Variants in KCNMA1 observed in about 807,000 individuals in gnomAD.
The protein encoded by KCNMA1 is Calcium-activated potassium channel subunit alpha-1.
A neutral mutation model predicts 140.0 loss-of-function variants in KCNMA1; 29 were observed. The ratio of observed to expected loss-of-function variants is 0.21; its 90% CI spans 0.15 to 0.28. The LOEUF (loss-of-function observed/expected upper bound fraction) is 0.28, where lower values mean the gene tolerates loss of function less well. KCNMA1 is among the 10% of genes least tolerant of loss of function. The pLI is 1.00. For synonymous variants in KCNMA1, 612 were observed against 611.9 expected, an observed-to-expected ratio of 1.00 and a Z score of 0.00; for missense variants, 880 against 1,602.2, an observed-to-expected ratio of 0.55 and a Z score of 7.70.
intron 20 of KCNMA1, 53 bp from the exon 21 acceptor site, chr10:76,953,977 T>C (rs1369764786): frequency 1.9e-6 from 3 of 1,591,612 alleles, no homozygotes; most frequent in Non-Finnish European, 2.6e-6. Context: ...AAATTATAAA[T>C]GGAAAGTGCC....
rs901566805 is a variant in KCNMA1, at chr10:77,001,426, G to T, written c.2247C>A (p.Cys749Ter). Residue 749 changes from cysteine to a stop codon, truncating the protein, a stop_gained, in exon 19 of 28, where the codon TGC (cysteine) becomes TGA (stop). Coordinates refer to ENST00000286628, the MANE Select transcript of KCNMA1 (RefSeq NM_001161352.2). LOFTEE classifies it high-confidence loss of function. ...ACTTACAGGCACGGAAACTGGTGGA[G>T]CAATCATTAACAGAGACAGAAGAAA... The part of the protein sequence containing the change: ...FPLSSVSVND[C>*]STSFRAFEDE... 4.5e-6 allele frequency: 7 copies of T among 1,551,576 alleles called. No homozygotes were observed. The South Asian group carries it at 4.8e-5, about 11-fold the overall frequency.
At chr10:77,298,082 T>A (rs781241939) in intron 2 of KCNMA1, among the ~76,000 whole-genome samples, 46 of 152,244 alleles carry the variant, frequency 3.0e-4, no homozygotes, top group Middle Eastern at 6.8e-3. Context: ...CCAAACCAGA[T>A]CCAAGAATTG....
At chr10:77,025,260 A>ATATATATATATG (rs1430311541) in intron 16 of KCNMA1, among the ~76,000 whole-genome samples, 5 of 117,814 alleles carry the variant, frequency 4.2e-5, no homozygotes, top group African/African-American at 1.4e-4. Context: ...ATATATATAT[A>ATATATATATATG]TATATATATA....
intron 24 of KCNMA1, chr10:76,914,322 G>T: frequency 3.4e-6 from 2 of 585,402 alleles, no homozygotes; most frequent in Middle Eastern, 3.5e-4. Flanking sequence ...TGGTAACAGG[G>T]AGTGCCATGG....
intron 2 of KCNMA1, among the ~76,000 whole-genome samples, chr10:77,368,749 A>C (rs1187994603): frequency 6.6e-6 from 1 of 152,094 alleles, no homozygotes; most frequent in East Asian, 1.9e-4. Flanking sequence ...GTTTTGTTTC[A>C]TTTGCCCTTG....
At chr10:77,207,074 C>G (rs749355766) in intron 3 of KCNMA1, among the ~76,000 whole-genome samples, 2 of 152,086 alleles carry the variant, frequency 1.3e-5, no homozygotes. Flanking sequence ...TTTTGACTTA[C>G]ACTTAACCAC....
At chr10:77,445,784 G>A (rs747496720) in intron 1 of KCNMA1, among the ~76,000 whole-genome samples, 5 of 152,162 alleles carry the variant, frequency 3.3e-5, no homozygotes, top group Non-Finnish European at 5.9e-5. Context: ...CATCGGTCAA[G>A]CTGAGAGAGG....
chr10:77,410,567 A>G (rs1439425326), intron 1 of KCNMA1, among the ~76,000 whole-genome samples: 1 of 152,256 alleles, frequency 6.6e-6, no homozygotes, highest in Non-Finnish European at 1.5e-5. Flanking sequence ...AATACTTTTC[A>G]AAAATGTAAC....
In KCNMA1 at chr10:77,074,411, T is replaced by A. The variant is rs188282150; in HGVS notation, c.1594-1159A>T. On this transcript the variant is annotated intron_variant, in intron 13 of 27. Transcript: ENST00000286628. ...TAAAGAGGGAAAATGATCAACTGAA[T>A]AACTTCCAGAGAAAAGTGACAAAGA... Among the ~76,000 whole-genome samples, 3 of 152,322 alleles carry A rather than the reference T, an allele frequency of 2.0e-5. No homozygotes were observed. In the East Asian group the frequency reaches 5.8e-4, roughly 29 times the overall value.
chr10:77,290,054 G>A (rs188955752), intron 2 of KCNMA1, among the ~76,000 whole-genome samples: 72 of 152,190 alleles, frequency 4.7e-4, no homozygotes, highest in East Asian at 4.4e-3. Context: ...GGTTCGATGC[G>A]GTAAAGGCAC....
intron 1 of KCNMA1, among the ~76,000 whole-genome samples, chr10:77,541,278 T>C (rs1235016709): frequency 2.0e-5 from 3 of 152,094 alleles, no homozygotes; most frequent in Non-Finnish European, 4.4e-5. Context: ...TATTTGATGA[T>C]TGTAAGAAAC....
intron 5 of KCNMA1, among the ~76,000 whole-genome samples, chr10:77,148,770 C>T (rs2098362974): frequency 1.3e-5 from 2 of 152,196 alleles, no homozygotes; most frequent in African/African-American, 4.8e-5. Context: ...TGAGCTTGGC[C>T]TCGTTCCAGT....
chr10:77,620,345 C>T (rs1422033757), intron 1 of KCNMA1, among the ~76,000 whole-genome samples: 1 of 152,178 alleles, frequency 6.6e-6, no homozygotes, highest in African/African-American at 2.4e-5. Context: ...CTGCCACTTT[C>T]CATGCAGGTG....
intron 1 of KCNMA1, among the ~76,000 whole-genome samples, chr10:77,559,867 A>C (rs1162093652): frequency 6.6e-6 from 1 of 152,112 alleles, no homozygotes; most frequent in Non-Finnish European, 1.5e-5. Flanking sequence ...AACTATATTC[A>C]GCCCGATATG....
At chr10:77,342,097 A>C (rs910629600) in intron 2 of KCNMA1, among the ~76,000 whole-genome samples, 1 of 152,174 alleles carries the variant, frequency 6.6e-6, no homozygotes, top group Non-Finnish European at 1.5e-5. Context: ...CAGCTGCACC[A>C]AGGAACAGAC....
At chr10:76,971,963 G>A (rs563117928) in intron 19 of KCNMA1, among the ~76,000 whole-genome samples, 11 of 142,654 alleles carry the variant, frequency 7.7e-5, no homozygotes, top group Admixed American at 2.1e-4. Flanking sequence ...GAAAGGCAGC[G>A]AGGGTGTGTG....
chr10:77,280,513 A>G (rs1031810271), intron 2 of KCNMA1, among the ~76,000 whole-genome samples: 1 of 151,554 alleles, frequency 6.6e-6, no homozygotes, highest in Non-Finnish European at 1.5e-5. Flanking sequence ...TTTTTTGTTT[A>G]TGTTTGTGTC....
At chr10:77,400,105 A>T (rs2096212886) in intron 2 of KCNMA1, among the ~76,000 whole-genome samples, 1 of 152,222 alleles carries the variant, frequency 6.6e-6, no homozygotes, top group African/African-American at 2.4e-5. Context: ...GCAGGGATAA[A>T]CATTTGGACG....
chr10:77,402,376 C>G (rs978985000), intron 2 of KCNMA1, among the ~76,000 whole-genome samples: 27 of 152,324 alleles, frequency 1.8e-4, no homozygotes, highest in South Asian at 1.2e-3. Flanking sequence ...CTGCCTTCCT[C>G]CAAGCAGCCA....
Sources: gnomAD v4.1 joint callset for allele counts (sites outside exome capture counted in the v4.1 genomes callset) on GRCh38, gnomAD v4.1.1 for gene constraint, MANE v1.5 for transcripts, NCBI Gene and HGNC (gene_info 2026-07-23, HGNC 2026-07-21) for gene names.